Variants in BBS9 observed in about 807,000 individuals in gnomAD.
The protein encoded by BBS9 is Bardet-Biedl syndrome 9.
In BBS9, 89 loss-of-function variants were observed where a neutral mutation model predicts 117.7. The observed-to-expected ratio is 0.76, with a 90% CI of 0.64 to 0.90. The LOEUF is 0.90. Among genes scored for constraint, BBS9 ranks in the 40% least tolerant of loss-of-function variants. BBS9 has a pLI of 0.00. For synonymous variants in BBS9, 379 were observed against 370.9 expected (o/e 1.02, Z -0.25); for missense variants, 982 against 1,042.2 (o/e 0.94, Z 0.80).
chr7:33,250,724 C>T (rs1275668526), intron 5 of BBS9, among the ~76,000 whole-genome samples: 1 of 152,128 alleles, frequency 6.6e-6, no homozygotes, highest in Non-Finnish European at 1.5e-5. Context: ...GAGTGAAACA[C>T]ATGGAATAAA....
At chr7:33,294,854 C>T (rs1490774219) in intron 9 of BBS9, among the ~76,000 whole-genome samples, 1 of 152,138 alleles carries the variant, frequency 6.6e-6, no homozygotes, top group Non-Finnish European at 1.5e-5. Context: ...CTATGATATT[C>T]TGTGCTTCAT....
chr7:33,269,981 T>A (rs1799503351), intron 7 of BBS9, among the ~76,000 whole-genome samples: 1 of 144,282 alleles, frequency 6.9e-6, no homozygotes, highest in Non-Finnish European at 1.5e-5. Context: ...TGAGATAGCT[T>A]CACTGCACTC....
intron 19 of BBS9, among the ~76,000 whole-genome samples, chr7:33,466,369 C>A (rs530057975): frequency 1.4e-4 from 21 of 148,088 alleles, no homozygotes; most frequent in Admixed American, 1.2e-3. Flanking sequence ...TCTTTAGATT[C>A]TGCATATATG....
intron 5 of BBS9, among the ~76,000 whole-genome samples, chr7:33,247,039 C>T (rs73689881): frequency 0.085 from 12,906 of 151,680 alleles, 584 homozygotes; most frequent in South Asian, 0.14. Flanking sequence ...AAAACCCCCC[C>T]ATTTTTGGCA....
chr7:33,424,323 A>G (rs114926875), intron 19 of BBS9, among the ~76,000 whole-genome samples: 1,873 of 152,308 alleles, frequency 0.012, 38 homozygotes, highest in African/African-American at 0.043. Flanking sequence ...TGCCAGCTAG[A>G]TGCTGCTTGA....
chr7:33,581,546 A>G (rs529739710), intron 21 of BBS9, among the ~76,000 whole-genome samples: 6 of 152,294 alleles, frequency 3.9e-5, no homozygotes, highest in Non-Finnish European at 7.4e-5. Context: ...AGATCTACTT[A>G]CCTGAACAGC....
intron 4 of BBS9, among the ~76,000 whole-genome samples, chr7:33,172,368 G>A (rs1376708179): frequency 6.8e-6 from 1 of 148,140 alleles, no homozygotes; most frequent in Admixed American, 6.7e-5. Context: ...GTGACAGAGC[G>A]AGACTCTGTC....
At position 33,440,780 on chromosome 7, in the gene BBS9, C is replaced by G. The variant is rs114394069; in HGVS notation, c.2115+52636C>G. 8.7e-3 allele frequency among the ~76,000 whole-genome samples: 1,319 copies of G among 152,248 alleles called. 23 individuals carry two copies. The highest frequency in any genetic ancestry group is 0.03 in the African/African-American group (1,262 of 41,536). ...ATACCATTGCACGAGGTAGCCCAAG[C>G]TCATATGAAGCATAAGATCTAGTGC... On this transcript the variant is annotated intron_variant, in intron 19 of 22. Transcript: ENST00000242067.
At chr7:33,316,021 A>G (rs1434619952) in intron 9 of BBS9, among the ~76,000 whole-genome samples, 1 of 152,118 alleles carries the variant, frequency 6.6e-6, no homozygotes. Flanking sequence ...ACTTTTGACA[A>G]ATGGTTGTAT....
chr7:33,627,333 T>C (rs1865690383), intron 21 of BBS9, among the ~76,000 whole-genome samples: 1 of 152,232 alleles, frequency 6.6e-6, no homozygotes, highest in South Asian at 2.1e-4. Flanking sequence ...TTACAGGATG[T>C]ATGGGAACAT....
intron 9 of BBS9, among the ~76,000 whole-genome samples, chr7:33,292,903 G>C (rs1373255121): frequency 1.3e-5 from 2 of 151,820 alleles, no homozygotes; most frequent in Non-Finnish European, 2.9e-5. Context: ...GTGCTCGGGA[G>C]TCTGAGGCAG....
chr7:33,204,406 C>A (rs370511613), intron 5 of BBS9, among the ~76,000 whole-genome samples: 209 of 134,064 alleles, frequency 1.6e-3, no homozygotes, highest in Middle Eastern at 7.5e-3. Context: ...GACTCCATCT[C>A]AAAAAAAAAA....
chr7:33,572,892 A>C (rs1160190445), intron 21 of BBS9, among the ~76,000 whole-genome samples: 1 of 151,924 alleles, frequency 6.6e-6, no homozygotes, highest in Non-Finnish European at 1.5e-5. Context: ...TGATGGATTC[A>C]TTTTATTCAG....
intron 9 of BBS9, among the ~76,000 whole-genome samples, chr7:33,308,859 C>G (rs1228765058): frequency 2.0e-5 from 3 of 152,080 alleles, no homozygotes; most frequent in African/African-American, 4.8e-5. Flanking sequence ...TTAGGAGCCA[C>G]CAACTATACA....
chr7:33,481,443 A>G (rs553030036), intron 19 of BBS9, among the ~76,000 whole-genome samples: 8 of 152,348 alleles, frequency 5.3e-5, no homozygotes, highest in South Asian at 4.1e-4. Context: ...CAGTGAAGAA[A>G]TACAACTAAA....
chr7:33,613,925 T>A (rs186082712), intron 21 of BBS9, among the ~76,000 whole-genome samples: 1 of 152,168 alleles, frequency 6.6e-6, no homozygotes, highest in African/African-American at 2.4e-5. Context: ...TGTCCTAATT[T>A]AAGAAAGAAC....
chr7:33,294,327 ATCTATCTATC>A (rs1804770319), intron 9 of BBS9, among the ~76,000 whole-genome samples: 1 of 143,578 alleles, frequency 7.0e-6, no homozygotes, highest in Non-Finnish European at 1.5e-5. Context: ...CTATCTATCT[ATCTATCTATC>A]TATCTATCTA....
intron 9 of BBS9, among the ~76,000 whole-genome samples, chr7:33,323,856 G>C (rs1464783860): frequency 5.6e-5 from 1 of 17,846 alleles, no homozygotes; most frequent in Admixed American, 6.0e-4. Context: ...TTTTTTTTTT[G>C]AGACAGGGTC....
intron 21 of BBS9, among the ~76,000 whole-genome samples, chr7:33,624,536 A>G (rs1865552370): frequency 6.6e-6 from 1 of 152,190 alleles, no homozygotes; most frequent in Admixed American, 6.5e-5. Flanking sequence ...TGTTTTCTTT[A>G]AATTCACCAC....
Sources: gnomAD v4.1 joint callset for allele counts (sites outside exome capture counted in the v4.1 genomes callset) on GRCh38, gnomAD v4.1.1 for gene constraint, MANE v1.5 for transcripts, NCBI Gene and HGNC (gene_info 2026-07-23, HGNC 2026-07-21) for gene names.